Variants in AKT3 observed in about 807,000 individuals in gnomAD.
AKT3 encodes AKT serine/threonine kinase 3.
Under a neutral mutation model 65.3 loss-of-function variants are expected in AKT3, and 15 were observed. The observed-to-expected ratio is 0.23, with a 90% CI of 0.15 to 0.35. AKT3 has a LOEUF of 0.35. Ranked by LOEUF, AKT3 falls within the 10% of genes least tolerant of loss-of-function variation. The probability of loss-of-function intolerance (pLI) is 1.00; values close to 1 mark genes in which losing one functional copy is unlikely to be tolerated. For missense variants in AKT3, 243 were observed against 576.5 expected, an observed-to-expected ratio of 0.42 and a Z score of 5.92; for synonymous variants, 206 against 183.8, an observed-to-expected ratio of 1.12 and a Z score of -0.98.
At position 243,502,434 on chromosome 1, in the gene AKT3, T is replaced by G. The variant is rs1669374590; in HGVS notation, c.*2815A>C. On this transcript the variant is annotated 3_prime_UTR_variant, in exon 14 of 14. Transcript: ENST00000673466. Reference sequence around the variant, plus strand: ...AACCATCTAAGCAGAAATGGCCAATTTCCTCCAAGATGGCTGCATTATGAC... The same window carrying G: ...AACCATCTAAGCAGAAATGGCCAATGTCCTCCAAGATGGCTGCATTATGAC... 1 of 233,004 alleles carries G rather than the reference T, an allele frequency of 4.3e-6. No individual in the cohort carries two copies. Among genetic ancestry groups the G allele is most frequent in the Non-Finnish European group, 8.5e-6 (1 of 117,942 alleles). 14.4% of individuals were successfully genotyped at this position (233,004 alleles called of 1,614,324 possible). A position where few individuals can be genotyped will look rare whatever the true frequency, so the allele number is the denominator to read the frequency against.
chr1:243,538,043 G>C (rs1389235325), intron 12 of AKT3, among the ~76,000 whole-genome samples: 1 of 152,128 alleles, frequency 6.6e-6, no homozygotes, highest in Non-Finnish European at 1.5e-5. Flanking sequence ...AAGGAATGGA[G>C]AGTGCTAATA....
intron 8 of AKT3, among the ~76,000 whole-genome samples, chr1:243,576,186 C>G (rs745963758): frequency 6.6e-6 from 1 of 152,046 alleles, no homozygotes; most frequent in East Asian, 1.9e-4. Context: ...AATTCAACAT[C>G]GCTTCATGTT....
chr1:243,590,803 T>C (rs1321776295), intron 8 of AKT3, among the ~76,000 whole-genome samples: 2 of 152,154 alleles, frequency 1.3e-5, no homozygotes, highest in African/African-American at 4.8e-5. Context: ...ATCTAACACA[T>C]GTGTAATATA....
chr1:243,597,490 T>A (rs556783778), intron 8 of AKT3, among the ~76,000 whole-genome samples: 1 of 152,140 alleles, frequency 6.6e-6, no homozygotes, highest in Non-Finnish European at 1.5e-5. Context: ...CCCAGAATAC[T>A]ATGCATTTTT....
chr1:243,764,367 T>A (rs531977124), intron 2 of AKT3, among the ~76,000 whole-genome samples: 11 of 152,038 alleles, frequency 7.2e-5, no homozygotes, highest in Non-Finnish European at 1.6e-4. Context: ...AAAAAATACA[T>A]TTGTGCCGTG....
intron 8 of AKT3, among the ~76,000 whole-genome samples, chr1:243,601,714 G>A (rs955210071): frequency 3.3e-5 from 5 of 151,966 alleles, no homozygotes; most frequent in South Asian, 2.1e-4. Flanking sequence ...ATCACACAAC[G>A]GAGCAAAGCC....
At chr1:243,528,323 A>G (rs1165066508) in intron 12 of AKT3, among the ~76,000 whole-genome samples, 2 of 151,890 alleles carry the variant, frequency 1.3e-5, no homozygotes, top group Non-Finnish European at 2.9e-5. Context: ...AATTTTCTCT[A>G]TTTTTTAAAT....
At chr1:243,700,794 G>A (rs957530544) in intron 2 of AKT3, among the ~76,000 whole-genome samples, 2 of 152,132 alleles carry the variant, frequency 1.3e-5, no homozygotes, top group Non-Finnish European at 2.9e-5. Flanking sequence ...GAGCCACTGC[G>A]CCCGGCCAGG....
intron 2 of AKT3, among the ~76,000 whole-genome samples, chr1:243,750,427 A>ACACACACACACC (rs1688735494): frequency 6.6e-6 from 1 of 151,560 alleles, no homozygotes; most frequent in African/African-American, 2.4e-5. Context: ...ACACACACAC[A>ACACACACACACC]CACACACGCA....
chr1:243,684,565 C>A (rs1042499839), intron 3 of AKT3, among the ~76,000 whole-genome samples: 2 of 152,140 alleles, frequency 1.3e-5, no homozygotes, highest in Non-Finnish European at 2.9e-5. Flanking sequence ...CACTGATGGT[C>A]ATTTGGGTTG....
chr1:243,502,073 G>C lies in AKT3; in HGVS notation c.*3176C>G. 1 of 232,542 alleles carries C rather than the reference G, an allele frequency of 4.3e-6. No individual in the cohort carries two copies. The allele number at this position is 232,542 out of a possible 1,614,324, so 14.4% of individuals were successfully genotyped here. On this transcript the variant is annotated 3_prime_UTR_variant, in exon 14 of 14. Transcript: ENST00000673466. ...AAATGTCACAAACTATAAAGCTACAGGGAGGTAATTCAATTACCAATTTAG... is the reference window on the plus strand; with the variant it reads ...AAATGTCACAAACTATAAAGCTACACGGAGGTAATTCAATTACCAATTTAG...
intron 3 of AKT3, among the ~76,000 whole-genome samples, chr1:243,693,335 C>G (rs1684848938): frequency 7.7e-6 from 1 of 129,676 alleles, no homozygotes; most frequent in Non-Finnish European, 1.6e-5. Flanking sequence ...GTAAAATTAT[C>G]TTTTTAAAAA....
chr1:243,678,526 T>G (rs1003530212), intron 3 of AKT3, among the ~76,000 whole-genome samples: 2 of 152,240 alleles, frequency 1.3e-5, no homozygotes, highest in African/African-American at 4.8e-5. Flanking sequence ...TAGTAACTAC[T>G]AAGTAATTAT....
At chr1:243,513,373 A>G (rs1399067467) in intron 12 of AKT3, among the ~76,000 whole-genome samples, 1 of 152,192 alleles carries the variant, frequency 6.6e-6, no homozygotes, top group Admixed American at 6.5e-5. Flanking sequence ...GCTGCTTTAG[A>G]ATACAGTTCT....
At chr1:243,643,000 G>A (rs554202118) in intron 5 of AKT3, among the ~76,000 whole-genome samples, 1 of 152,302 alleles carries the variant, frequency 6.6e-6, no homozygotes, top group East Asian at 1.9e-4. Context: ...CTCTGACGAA[G>A]TTCACTCCTT....
chr1:243,686,989 G>A (rs772848241), intron 3 of AKT3, among the ~76,000 whole-genome samples: 1 of 151,836 alleles, frequency 6.6e-6, no homozygotes, highest in Non-Finnish European at 1.5e-5. Context: ...GATCCTCACT[G>A]TAAGCCTGTG....
chr1:243,595,411 G>C (rs1676533482), intron 8 of AKT3, among the ~76,000 whole-genome samples: 1 of 152,142 alleles, frequency 6.6e-6, no homozygotes, highest in Non-Finnish European at 1.5e-5. Flanking sequence ...TATGAACACT[G>C]TATAATGTAT....
At chr1:243,767,175 G>GA (rs1689881746) in intron 2 of AKT3, among the ~76,000 whole-genome samples, 1 of 152,124 alleles carries the variant, frequency 6.6e-6, no homozygotes, top group Non-Finnish European at 1.5e-5. Flanking sequence ...GGTATCAAAA[G>GA]AAAGTATGTC....
chr1:243,592,517 A>T (rs1676309021), intron 8 of AKT3, among the ~76,000 whole-genome samples: 1 of 152,248 alleles, frequency 6.6e-6, no homozygotes, highest in Admixed American at 6.5e-5. Context: ...AGACTTCTTG[A>T]CAGAAACTGT....
Sources: allele counts gnomAD v4.1 joint callset (sites outside exome capture counted in the v4.1 genomes callset), GRCh38; gene constraint gnomAD v4.1.1; transcripts MANE v1.5; gene names NCBI Gene and HGNC (gene_info 2026-07-23, HGNC 2026-07-21).